The following CAMTA1 variants were observed in gnomAD, a reference collection of about 807,000 sequenced individuals.
CAMTA1 encodes calmodulin-binding transcription activator 1.
CAMTA1 carries 27 observed loss-of-function variants against 170.9 expected under a neutral mutation model. That is an observed-to-expected ratio of 0.16 (90% CI 0.12 to 0.22). The LOEUF is 0.22. Among genes scored for constraint, CAMTA1 ranks in the 10% least tolerant of loss-of-function variants. The pLI is 1.00. For missense variants in CAMTA1, 1,619 were observed against 2,217.2 expected (o/e 0.73, Z 5.42); for synonymous variants, 833 against 891.5 (o/e 0.93, Z 1.17).
chr1:7,300,104 G>A lies in CAMTA1; in HGVS notation c.438+50478G>A, dbSNP rs1416410270. 6.6e-6 allele frequency among the ~76,000 whole-genome samples: 1 copy of A among 152,124 alleles called. No homozygotes were observed. The highest frequency in any genetic ancestry group is 1.5e-5 in the Non-Finnish European group (1 of 68,034). Reference sequence around the variant, plus strand: ...AGCAGCTTCTGTATAATTTGAATTTGAGATAGCATTCTTAAAAAAAAATTC... The same window carrying A: ...AGCAGCTTCTGTATAATTTGAATTTAAGATAGCATTCTTAAAAAAAAATTC... On this transcript the variant is annotated intron_variant, in intron 5 of 22. Transcript: ENST00000303635. The surrounding 1 kb of genome is among the most constrained non-coding windows in gnomAD (Gnocchi z 4.1).
Position 7,739,601 on chromosome 1 carries a change from G to A in CAMTA1, c.4182+1119G>A, listed in dbSNP as rs191734937. ...GGGAGGCCTCACAATCATAGCAGAA[G>A]GCGAAAGTCACATCTTATATGGTGG... is the stretch of plus-strand genomic sequence containing the variant. On this transcript the variant is annotated intron_variant, in intron 16 of 22. Transcript: ENST00000303635. Among the ~76,000 whole-genome samples, 5 of 152,334 alleles carry A rather than the reference G, an allele frequency of 3.3e-5. No homozygotes were observed. The East Asian group carries it at 7.7e-4, about 23-fold the overall frequency.
At chr1:7,408,271 C>T (rs577140328) in intron 5 of CAMTA1, among the ~76,000 whole-genome samples, 1 of 152,372 alleles carries the variant, frequency 6.6e-6, no homozygotes, top group East Asian at 1.9e-4. Context: ...AGCATGTCTG[C>T]GTTAGCTTTG....
At chr1:7,496,809 G>A (rs1200403501) in intron 6 of CAMTA1, among the ~76,000 whole-genome samples, 1 of 151,672 alleles carries the variant, frequency 6.6e-6, no homozygotes, top group Non-Finnish European at 1.5e-5. Flanking sequence ...CCCCAGGCAC[G>A]GCCAGGGAAG....
intron 6 of CAMTA1, among the ~76,000 whole-genome samples, chr1:7,484,226 C>T (rs1037339458): frequency 3.9e-5 from 6 of 152,162 alleles, no homozygotes; most frequent in Non-Finnish European, 5.9e-5. Context: ...TCAGGTCCGC[C>T]TTCCCTCGGG....
At chr1:7,219,881 A>C (rs1660431752) in intron 4 of CAMTA1, among the ~76,000 whole-genome samples, 1 of 152,118 alleles carries the variant, frequency 6.6e-6, no homozygotes, top group African/African-American at 2.4e-5. Context: ...ACCAAAACAA[A>C]GAAAAAAGAA....
chr1:7,617,975 T>A (rs2095571030), intron 6 of CAMTA1, among the ~76,000 whole-genome samples: 2 of 152,184 alleles, frequency 1.3e-5, no homozygotes, highest in Admixed American at 6.5e-5. Flanking sequence ...TAGCATGCTC[T>A]GGACAAGAAG....
At chr1:7,352,494 C>G (rs2084760215) in intron 5 of CAMTA1, among the ~76,000 whole-genome samples, 1 of 152,216 alleles carries the variant, frequency 6.6e-6, no homozygotes, top group African/African-American at 2.4e-5. Flanking sequence ...GCTGATGACT[C>G]TGTCCCAGCT....
chr1:6,862,508 A>G (rs1377640340), intron 3 of CAMTA1, among the ~76,000 whole-genome samples: 1 of 152,214 alleles, frequency 6.6e-6, no homozygotes, highest in Admixed American at 6.5e-5. Flanking sequence ...AGACGTCTTG[A>G]AAGAGTTTTG....
chr1:7,187,315 C>A (rs1469696097), intron 4 of CAMTA1, among the ~76,000 whole-genome samples: 2 of 152,132 alleles, frequency 1.3e-5, no homozygotes, highest in Non-Finnish European at 2.9e-5. Flanking sequence ...TGCATACTCA[C>A]TGGGAAGGAT....
chr1:7,515,997 T>C (rs2094280242), intron 6 of CAMTA1, among the ~76,000 whole-genome samples: 1 of 152,192 alleles, frequency 6.6e-6, no homozygotes, highest in Admixed American at 6.5e-5. Flanking sequence ...GCCCTTGCCC[T>C]GTGTCACATC....
chr1:7,339,676 C>T (rs2083652712), intron 5 of CAMTA1, among the ~76,000 whole-genome samples: 1 of 152,038 alleles, frequency 6.6e-6, no homozygotes, highest in Non-Finnish European at 1.5e-5. Context: ...AATCTCAGCT[C>T]ACCTCCACCT....
At chr1:7,602,113 T>C (rs1412421075) in intron 6 of CAMTA1, among the ~76,000 whole-genome samples, 79 of 134,838 alleles carry the variant, frequency 5.9e-4, no homozygotes, top group African/African-American at 2.4e-3. Flanking sequence ...CCTTCCTTCC[T>C]TCCTTCCTTC....
At position 7,435,688 on chromosome 1, in the gene CAMTA1, C is replaced by T. The variant is rs754954784; in HGVS notation, c.439-32142C>T. 6.6e-6 allele frequency among the ~76,000 whole-genome samples: 1 copy of T among 152,192 alleles called. No individual in the cohort carries two copies. Among genetic ancestry groups the T allele is most frequent in the Non-Finnish European group, 1.5e-5 (1 of 68,038 alleles). ...CCAGGCAAGGGCTGGCCGCCGTTCT[C>T]ATGGCTGAAGGGTACTCAGTTCCTA... On this transcript the variant is annotated intron_variant, in intron 5 of 22. Coordinates refer to ENST00000303635, the MANE Select transcript of CAMTA1 (RefSeq NM_015215.4). This position sits in a 1 kb window ranked among gnomAD's most constrained non-coding sequence, Gnocchi z 4.4.
At chr1:6,896,312 G>A (rs1376568174) in intron 3 of CAMTA1, among the ~76,000 whole-genome samples, 1 of 152,184 alleles carries the variant, frequency 6.6e-6, no homozygotes, top group Admixed American at 6.5e-5. Context: ...GTCCATAGTA[G>A]GAGTTCACCA....
chr1:7,743,926 A>G (rs958135437), intron 16 of CAMTA1, among the ~76,000 whole-genome samples: 2 of 148,478 alleles, frequency 1.3e-5, no homozygotes, highest in African/African-American at 5.0e-5. Flanking sequence ...TCCCAGGTTC[A>G]TGCCATTCTC....
At chr1:6,996,315 C>T (rs1697242559) in intron 3 of CAMTA1, among the ~76,000 whole-genome samples, 1 of 152,200 alleles carries the variant, frequency 6.6e-6, no homozygotes, top group African/African-American at 2.4e-5. Flanking sequence ...TTCTGTTACG[C>T]TATTCAGAAT....
At position 7,745,159 on chromosome 1, in the gene CAMTA1, C is replaced by G. The variant is rs539231269; in HGVS notation, c.4370+137C>G. The G allele has an allele frequency of 8.3e-5, 64 of 774,332 alleles. No individual in the cohort carries two copies. In the African/African-American group the frequency reaches 9.8e-4, roughly 12 times the overall value. The allele number at this position is 774,332 out of a possible 1,614,324, so 48.0% of individuals were successfully genotyped here. On this transcript the variant is annotated intron_variant, in intron 17 of 22. Coordinates refer to ENST00000303635, the MANE Select transcript of CAMTA1 (RefSeq NM_015215.4). ...AAGGAAGGAAGCATGAGGACAAGCT[C>G]TGTTGCCACTTTCAAGGCCCAGCTC...
At chr1:7,578,169 A>C (rs1487203971) in intron 6 of CAMTA1, among the ~76,000 whole-genome samples, 1 of 152,066 alleles carries the variant, frequency 6.6e-6, no homozygotes. Context: ...ACCCCTGTTC[A>C]TGTCTCTCTT....
chr1:6,845,003 G>GA (rs1657486277), intron 3 of CAMTA1, among the ~76,000 whole-genome samples: 1 of 152,092 alleles, frequency 6.6e-6, no homozygotes, highest in Admixed American at 6.6e-5. Context: ...GGAAAAGCTG[G>GA]AAAAATGACA....
Sources: allele counts gnomAD v4.1 joint callset (sites outside exome capture counted in the v4.1 genomes callset), GRCh38; gene constraint gnomAD v4.1.1; non-coding constraint Gnocchi (gnomAD v3.1); transcripts MANE v1.5; gene names NCBI Gene and HGNC (gene_info 2026-07-23, HGNC 2026-07-21).